The following USP34 variants were observed in gnomAD, a reference collection of about 807,000 sequenced individuals.
The protein encoded by USP34 is ubiquitin specific peptidase 34.
Under a neutral mutation model 460.3 loss-of-function variants are expected in USP34, and 70 were observed. The ratio of observed to expected loss-of-function variants is 0.15; its 90% CI spans 0.13 to 0.19. USP34 has a LOEUF of 0.19. Ranked by LOEUF, USP34 falls within the 10% of genes least tolerant of loss-of-function variation. The probability of loss-of-function intolerance (pLI) is 1.00; values close to 1 mark genes in which losing one functional copy is unlikely to be tolerated. For missense variants in USP34, 3,985 were observed against 4,236.2 expected (o/e 0.94, Z 1.65); for synonymous variants, 1,647 against 1,405.3 (o/e 1.17, Z -3.85).
Position 61,281,100 on chromosome 2 carries a change from T to A in USP34, c.5141A>T (p.Lys1714Ile). ...LKFLPDAQAL[K>I]PIRIDDYEEE... ...ACAGTAAAATCTTACCCTAATAGGT[T>A]TGAGTGCTTGAGCATCAGGAAGAAA... The change falls in exon 38 of 80, where the codon AAA (lysine) becomes ATA (isoleucine). Residue 1714 changes from lysine to isoleucine, a missense_variant. This residue lies in a region of USP34 where 1,114 missense variants were observed against 1,122.5 expected (regional missense o/e 0.99). Coordinates refer to ENST00000398571, the MANE Select transcript of USP34 (RefSeq NM_014709.4). 1 of 1,613,578 alleles carries A rather than the reference T, an allele frequency of 6.2e-7. No individual in the cohort carries two copies.
At chr2:61,386,421 T>G (rs1693146570) in intron 5 of USP34, among the ~76,000 whole-genome samples, 1 of 152,132 alleles carries the variant, frequency 6.6e-6, no homozygotes, top group Non-Finnish European at 1.5e-5. Flanking sequence ...TGCAGTTGAA[T>G]AGATCAAAAT....
chr2:61,447,400 C>G (rs1695151932), intron 1 of USP34, among the ~76,000 whole-genome samples: 2 of 151,746 alleles, frequency 1.3e-5, no homozygotes, highest in Admixed American at 1.3e-4. Flanking sequence ...TCTATCAAAG[C>G]TCAAATTTTA....
chr2:61,414,432 G>A (rs1694137830), intron 2 of USP34, among the ~76,000 whole-genome samples: 2 of 152,014 alleles, frequency 1.3e-5, no homozygotes, highest in Non-Finnish European at 2.9e-5. Flanking sequence ...TAAGTATAAG[G>A]GTAGGATAGA....
chr2:61,397,319 T>C (rs1693559206), intron 3 of USP34, among the ~76,000 whole-genome samples: 1 of 151,744 alleles, frequency 6.6e-6, no homozygotes, highest in Admixed American at 6.6e-5. Flanking sequence ...GGTAGGCACC[T>C]GTAATCCCAG....
chr2:61,417,744 C>CTT (rs55680146), intron 2 of USP34, among the ~76,000 whole-genome samples: 2 of 87,934 alleles, frequency 2.3e-5, no homozygotes, highest in Non-Finnish European at 4.4e-5. Context: ...TTTTTCTTTT[C>CTT]TTTTTTTTTT....
intron 67 of USP34, among the ~76,000 whole-genome samples, chr2:61,218,168 T>G (rs1687456156): frequency 6.6e-6 from 1 of 151,588 alleles, no homozygotes; most frequent in Non-Finnish European, 1.5e-5. Context: ...AGCATAGTTT[T>G]TTTTTTTTGT....
intron 43 of USP34, among the ~76,000 whole-genome samples, chr2:61,261,996 C>T (rs954145323): frequency 6.8e-6 from 1 of 146,234 alleles, no homozygotes; most frequent in African/African-American, 2.5e-5. Flanking sequence ...GAGGCTGAGG[C>T]AGGAGAACTG....
intron 29 of USP34, among the ~76,000 whole-genome samples, chr2:61,298,364 C>CAAAA (rs11417017): frequency 6.5e-4 from 31 of 48,044 alleles, no homozygotes; most frequent in African/African-American, 1.6e-3. Context: ...TACAAAAATA[C>CAAAA]AAAAAAAAAA....
At chr2:61,188,762 G>T (rs1044562928) in intron 79 of USP34, 53 bp from the exon 80 acceptor site, 3 of 1,583,722 alleles carry the variant, frequency 1.9e-6, no homozygotes, top group Non-Finnish European at 1.7e-6. Context: ...TTAAGATCAC[G>T]TTAGGGGGGG....
intron 21 of USP34, 128 bp downstream of exon 21, chr2:61,325,247 T>G: frequency 5.3e-6 from 3 of 569,500 alleles, no homozygotes; most frequent in Non-Finnish European, 8.9e-6. Context: ...AACATACATG[T>G]GCCCACTGAC....
At chr2:61,265,960 T>C in intron 42 of USP34, 24 bp downstream of exon 42, 1 of 1,530,808 alleles carries the variant, frequency 6.5e-7, no homozygotes, top group Non-Finnish European at 8.8e-7. Context: ...TCTATAAAGA[T>C]TAAAGGAAAA....
At chr2:61,425,834 T>C (rs2103984909) in intron 1 of USP34, among the ~76,000 whole-genome samples, 1 of 152,008 alleles carries the variant, frequency 6.6e-6, no homozygotes, top group Admixed American at 6.6e-5. Flanking sequence ...CCCCTTCCCC[T>C]CGACAGGCTG....
At chr2:61,467,705 C>T (rs929424060) in intron 1 of USP34, among the ~76,000 whole-genome samples, 84 of 146,030 alleles carry the variant, frequency 5.8e-4, no homozygotes, top group African/African-American at 2.1e-3. Flanking sequence ...CTGCAACCTC[C>T]GCCTACCAGG....
chr2:61,283,875 C>T (rs1364271822), intron 35 of USP34, among the ~76,000 whole-genome samples: 8 of 122,408 alleles, frequency 6.5e-5, no homozygotes, highest in Non-Finnish European at 1.3e-4. Context: ...GAAGAAGAGT[C>T]AAACTCATTG....
At position 61,457,857 on chromosome 2, in the gene USP34, A is replaced by G. The variant is rs1695482794; in HGVS notation, c.43+12793T>C. ...AGTGAGACCCTGTCTCCAAAAACAA[A>G]CAGCAGCAGCAACAACAAAAAGTAC... On this transcript the variant is annotated intron_variant, in intron 1 of 79. Coordinates refer to ENST00000398571, the MANE Select transcript of USP34 (RefSeq NM_014709.4). Among the ~76,000 whole-genome samples the G allele has an allele frequency of 2.0e-5, 3 of 152,096 alleles. No individual in the cohort carries two copies. In the South Asian group the frequency reaches 6.2e-4, roughly 32 times the overall value.
rs772064777 is a variant in USP34, at chr2:61,241,769, T to C, written c.6678A>G (p.Glu2226=). 3.3e-6 allele frequency: 5 copies of C among 1,531,830 alleles called. No homozygotes were observed. The highest frequency in any genetic ancestry group is 4.4e-6 in the Non-Finnish European group (5 of 1,133,112). The allele number at this position is 1,531,830 out of a possible 1,614,324, so 94.9% of individuals were successfully genotyped here. A position where few individuals can be genotyped will look rare whatever the true frequency, so the allele number is the denominator to read the frequency against. The change falls in exon 52 of 80, where the codon GAA becomes GAG. Residue 2226 remains glutamate (E), a synonymous_variant. Coordinates refer to ENST00000398571, the MANE Select transcript of USP34 (RefSeq NM_014709.4). ...VTDKFMDFSF[E]KTHSAYMLFY... ...TATACATGAAAAAAATGGTTACCTT[T>C]TCAAAAGAGAAGTCCATAAATTTAT...
chr2:61,377,230 G>A (rs771211256), intron 8 of USP34, among the ~76,000 whole-genome samples: 1 of 152,118 alleles, frequency 6.6e-6, no homozygotes, highest in African/African-American at 2.4e-5. Flanking sequence ...TGAAGACCTA[G>A]GTTCAACTGG....
At position 61,295,159 on chromosome 2, in the gene USP34, T is replaced by A; in HGVS notation, c.4377+9A>T. The stretch of plus-strand genomic sequence containing the variant: ...AAACATTTAATGATAATAATGGAAA[T>A]GCAATTACCGTAGACTCCCTCCTTA... On this transcript the variant is annotated intron_variant, in intron 31 of 79. Transcript: ENST00000398571. 2.5e-6 allele frequency: 4 copies of A among 1,604,080 alleles called. No homozygotes were observed. Among genetic ancestry groups the A allele is most frequent in the Non-Finnish European group, 3.4e-6 (4 of 1,177,312 alleles).
Position 61,368,979 on chromosome 2 carries a change from T to TA in USP34, c.1251+1341dup, listed in dbSNP as rs796910222. Among the ~76,000 whole-genome samples the TA allele has an allele frequency of 7.3e-5, 11 of 151,212 alleles. 1 individual carries two copies. Among genetic ancestry groups the TA allele is most frequent in the Admixed American group, 2.0e-4 (3 of 15,198 alleles). Reference sequence around the variant, plus strand: ...GTGACACATAAAGAACTCCTACAAATAAAAAAAATAAGAAAAACAATTGAT... The same window carrying TA: ...GTGACACATAAAGAACTCCTACAAATAAAAAAAAATAAGAAAAACAATTGAT... On this transcript the variant is annotated intron_variant, in intron 10 of 79. Coordinates refer to ENST00000398571, the MANE Select transcript of USP34 (RefSeq NM_014709.4).
Sources: gnomAD v4.1 joint callset for allele counts (sites outside exome capture counted in the v4.1 genomes callset) on GRCh38, gnomAD v4.1.1 for gene constraint, gnomAD v4.1.1 regional missense constraint, MANE v1.5 for transcripts, NCBI Gene and HGNC (gene_info 2026-07-23, HGNC 2026-07-21) for gene names.